MYO1F: variants seen among roughly 807,000 people sequenced by gnomAD.
The protein encoded by MYO1F is myosin IF.
MYO1F carries 60 observed loss-of-function variants against 146.6 expected under a neutral mutation model. The observed-to-expected ratio is 0.41, with a 90% CI of 0.33 to 0.51. MYO1F has a LOEUF of 0.51. Among genes scored for constraint, MYO1F ranks in the 20% least tolerant of loss-of-function variants. The pLI, the probability that MYO1F is intolerant of heterozygous loss-of-function variation, is 0.25. For synonymous variants in MYO1F, 602 were observed against 602.1 expected, an observed-to-expected ratio of 1.00 and a Z score of 0.00; for missense variants, 1,274 against 1,534.3, an observed-to-expected ratio of 0.83 and a Z score of 2.83.
intron 12 of MYO1F, chr19:8,547,787 T>A: frequency 2.0e-6 from 1 of 508,330 alleles, no homozygotes; most frequent in Non-Finnish European, 3.6e-6. Context: ...CCAAGCACCC[T>A]AAACAGTACC....
At chr19:8,551,450 C>G in intron 8 of MYO1F, 1 of 385,958 alleles carries the variant, frequency 2.6e-6, no homozygotes, top group South Asian at 2.1e-5. Context: ...CTCCCGTTTT[C>G]AAGCAATTTT....
chr19:8,568,023 C>T (rs1466591383), intron 1 of MYO1F, among the ~76,000 whole-genome samples: 2 of 152,224 alleles, frequency 1.3e-5, no homozygotes, highest in Non-Finnish European at 2.9e-5. Flanking sequence ...CCCTTCCCCT[C>T]TTTCCTCATC....
intron 25 of MYO1F, 51 bp downstream of exon 25, chr19:8,525,428 C>A (rs187004609): frequency 6.6e-7 from 1 of 1,512,306 alleles, no homozygotes; most frequent in Admixed American, 1.7e-5. Flanking sequence ...TGGCTTAGGC[C>A]ATGGGACCCA....
At chr19:8,572,015 G>A (rs75858056) in intron 1 of MYO1F, among the ~76,000 whole-genome samples, 1,986 of 152,264 alleles carry the variant, frequency 0.013, 46 homozygotes, top group African/African-American at 0.043. Flanking sequence ...AAGCCACCGC[G>A]CCTGGCCTTT....
chr19:8,544,036 CGG>C, intron 14 of MYO1F: 1 of 270,192 alleles, frequency 3.7e-6, no homozygotes, highest in Non-Finnish European at 6.3e-6. Context: ...GTGGCGGTGG[CGG>C]TGCTGGTGGT....
chr19:8,525,590 TGACA>T (rs774293839), intron 24 of MYO1F, 28 bp from the exon 25 acceptor site: 16 of 1,589,360 alleles, frequency 1.0e-5, no homozygotes, highest in South Asian at 6.6e-5. Flanking sequence ...GGGAGTTGAA[TGACA>T]GACAGACCAC....
chr19:8,539,567 TC>T (rs1972870185), intron 16 of MYO1F, among the ~76,000 whole-genome samples: 1 of 151,198 alleles, frequency 6.6e-6, no homozygotes, highest in African/African-American at 2.5e-5. Context: ...CTGCACTCCA[TC>T]CTGGGTGACA....
chr19:8,557,582 G>T (rs760006776), intron 1 of MYO1F, among the ~76,000 whole-genome samples: 2 of 152,180 alleles, frequency 1.3e-5, no homozygotes, highest in African/African-American at 4.8e-5. Context: ...GATTATAGGC[G>T]TAAGCTACTG....
Position 8,521,526 on chromosome 19 carries a change from G to A in MYO1F, c.*2C>T, listed in dbSNP as rs753465471. ...AGAGAAGGCAGTATCCCAGGGCCCA[G>A]CTCAGATCTTCTCCACGTAGTTTCC... On this transcript the variant is annotated 3_prime_UTR_variant, in exon 28 of 28. Coordinates refer to ENST00000644032, the MANE Select transcript of MYO1F (RefSeq NM_012335.4). 27 of 1,613,878 alleles carry A rather than the reference G, an allele frequency of 1.7e-5. No homozygotes were observed. In the South Asian group the frequency reaches 2.5e-4, roughly 15 times the overall value.
chr19:8,550,660 A>G lies in MYO1F; in HGVS notation c.806T>C (p.Ile269Thr). ...AMQVIGIPPS[I>T]QQLVLQLVAG... The stretch of plus-strand genomic sequence containing the variant: ...CACGAGCTGCAGGACCAGCTGCTGG[A>G]TGCTGGGCGGGATCCCAATAACCTG... Residue 269 changes from isoleucine (I) to threonine (T), a missense_variant, in exon 9 of 28, where the codon ATC (isoleucine) becomes ACC (threonine). Ile to Thr is a moderately conservative substitution (Grantham distance 89). Transcript: ENST00000644032. The G allele has an allele frequency of 1.2e-6, 2 of 1,614,120 alleles. No individual in the cohort carries two copies. The highest frequency in any genetic ancestry group is 2.2e-5 in the East Asian group (1 of 44,872).
At chr19:8,536,143 TTC>T (rs1972697639) in intron 19 of MYO1F, 107 bp downstream of exon 19, 14 of 1,370,924 alleles carry the variant, frequency 1.0e-5, no homozygotes, top group Non-Finnish European at 1.2e-5. Context: ...CTATCAGTCT[TTC>T]TCTCAATCTC....
chr19:8,553,914 T>TCTCTCTCTCTCTCTCTCTCG lies in MYO1F; in HGVS notation c.327-478_327-477insCGAGAGAGAGAGAGAGAGAG, dbSNP rs1178542513. On this transcript the variant is annotated intron_variant, in intron 4 of 27. Coordinates refer to ENST00000644032, the MANE Select transcript of MYO1F (RefSeq NM_012335.4). ...CACACACTCTCTCTCTCTCTCTCTC[T>TCTCTCTCTCTCTCTCTCTCG]CTCTCTCTCGCTCTCTTTCTCTCTC... Among the ~76,000 whole-genome samples the TCTCTCTCTCTCTCTCTCTCG allele has an allele frequency of 1.6e-3, 212 of 135,584 alleles. 2 individuals carry two copies. Among genetic ancestry groups the TCTCTCTCTCTCTCTCTCTCG allele is most frequent in the African/African-American group, 5.5e-3 (207 of 37,336 alleles). 88.9% of individuals were successfully genotyped at this position (135,584 alleles called of 152,430 possible). A position where few individuals can be genotyped will look rare whatever the true frequency, so the allele number is the denominator to read the frequency against.
rs1202436776 is a variant in MYO1F at position 8,526,608 on chromosome 19, G to C, written c.2622-7C>G. ...CTTCACCCGAAACTGTAGTCTATGG[G>C]GAGAGAAGAAAGCTTGGGGGCGCTG... On this transcript the variant is annotated splice_polypyrimidine_tract_variant and splice_region_variant and intron_variant, in intron 23 of 27. Transcript: ENST00000644032. 4.4e-6 allele frequency: 7 copies of C among 1,591,346 alleles called. No individual in the cohort carries two copies. Among genetic ancestry groups the C allele is most frequent in the Non-Finnish European group, 6.0e-6 (7 of 1,171,092 alleles).
chr19:8,524,684 A>C (rs951487889), intron 25 of MYO1F, among the ~76,000 whole-genome samples: 25 of 152,114 alleles, frequency 1.6e-4, no homozygotes, highest in African/African-American at 5.3e-4. Context: ...TTGGCCTACC[A>C]AGAGTGCTTG....
chr19:8,530,471 TCTC>T lies in MYO1F; in HGVS notation c.2143_2145del (p.Glu715del). 1 of 1,613,762 alleles carries T rather than the reference TCTC, an allele frequency of 6.2e-7. No individual in the cohort carries two copies. The highest frequency in any genetic ancestry group is 8.5e-7 in the Non-Finnish European group (1 of 1,180,008). ...CGAAGCCTCTCACCTTCCTCCCGCA[TCTC>T]CTCGTACTTCCGGACAGCCACGTGG... On this transcript the variant is annotated inframe_deletion, in exon 20 of 28. Transcript: ENST00000644032. This position sits in a 1 kb window ranked among gnomAD's most constrained non-coding sequence, Gnocchi z 5.8.
At chr19:8,554,415 G>A in intron 4 of MYO1F, 62 bp downstream of exon 4, 1 of 1,387,034 alleles carries the variant, frequency 7.2e-7, no homozygotes. Flanking sequence ...CTCCCTGGGG[G>A]TGGTGATGTT....
intron 19 of MYO1F, among the ~76,000 whole-genome samples, chr19:8,533,431 T>G (rs1190519218): frequency 6.6e-6 from 1 of 151,398 alleles, no homozygotes; most frequent in Non-Finnish European, 1.5e-5. Flanking sequence ...CTTGGCTCAC[T>G]GCAAGCTCCG....
At chr19:8,532,089 G>A (rs1272045004) in intron 19 of MYO1F, among the ~76,000 whole-genome samples, 1 of 151,812 alleles carries the variant, frequency 6.6e-6, no homozygotes, top group East Asian at 1.9e-4. Context: ...CTGCACTCCA[G>A]CCTGGGCGAC....
rs376794930 is a variant in MYO1F at position 8,545,711 on chromosome 19, C to T, written c.1295G>A (p.Arg432His). 140 of 1,613,904 alleles carry T rather than the reference C, an allele frequency of 8.7e-5. No homozygotes were observed. Among genetic ancestry groups the T allele is most frequent in the Middle Eastern group, 1.6e-4 (1 of 6,084 alleles). ...EQEEYVQEGI[R>H]WTPIQYFNNK... ...GTTGAAGTACTGGATTGGAGTCCAGCGGATGCCTTCCTGCACATACTCCTC... is the reference window on the plus strand; with the variant it reads ...GTTGAAGTACTGGATTGGAGTCCAGTGGATGCCTTCCTGCACATACTCCTC... Residue 432 changes from arginine to histidine, a missense_variant, in exon 13 of 28, where the codon CGC becomes CAC. Coordinates refer to ENST00000644032, the MANE Select transcript of MYO1F (RefSeq NM_012335.4).
Sources: allele counts gnomAD v4.1 joint callset (sites outside exome capture counted in the v4.1 genomes callset), GRCh38; gene constraint gnomAD v4.1.1; non-coding constraint Gnocchi (gnomAD v3.1); transcripts MANE v1.5; gene names NCBI Gene and HGNC (gene_info 2026-07-23, HGNC 2026-07-21).